ZNF804A: variants seen among roughly 807,000 people sequenced by gnomAD.
ZNF804A encodes the protein zinc finger protein 804A.
A neutral mutation model predicts 16.5 loss-of-function variants in ZNF804A; 2 were observed. The ratio of observed to expected loss-of-function variants is 0.12; its 90% CI spans 0.05 to 0.38. ZNF804A has a LOEUF of 0.38. ZNF804A is among the 10% of genes least tolerant of loss of function. The pLI is 0.99. For missense variants in ZNF804A, 1,473 were observed against 1,390.7 expected (o/e 1.06, Z -0.94); for synonymous variants, 534 against 489.6 (o/e 1.09, Z -1.20).
At chr2:184,725,150 T>G (rs996580002) in intron 1 of ZNF804A, among the ~76,000 whole-genome samples, 3 of 151,654 alleles carry the variant, frequency 2.0e-5, no homozygotes, top group Non-Finnish European at 3.0e-5. Flanking sequence ...CTTTGGAAAT[T>G]TCTTAGCTTG....
At chr2:184,814,364 C>T (rs1382055462) in intron 1 of ZNF804A, among the ~76,000 whole-genome samples, 1 of 151,872 alleles carries the variant, frequency 6.6e-6, no homozygotes, top group Non-Finnish European at 1.5e-5. Context: ...GTTTTGCACT[C>T]GATAAGTTAG....
At chr2:184,624,674 C>G (rs1691469844) in intron 1 of ZNF804A, among the ~76,000 whole-genome samples, 1 of 152,090 alleles carries the variant, frequency 6.6e-6, no homozygotes, top group African/African-American at 2.4e-5. Flanking sequence ...AGATATCCCT[C>G]CTTCTGTGAG....
At chr2:184,680,589 T>C (rs1411324863) in intron 1 of ZNF804A, among the ~76,000 whole-genome samples, 3 of 152,234 alleles carry the variant, frequency 2.0e-5, no homozygotes, top group Non-Finnish European at 4.4e-5. Flanking sequence ...ATGATGTTCC[T>C]GTGGAAAGGA....
intron 2 of ZNF804A, among the ~76,000 whole-genome samples, chr2:184,869,980 C>T (rs561298709): frequency 1.3e-5 from 2 of 152,050 alleles, no homozygotes; most frequent in South Asian, 4.1e-4. Flanking sequence ...TACAATAGCT[C>T]ACAAATTACA....
chr2:184,729,188 C>T (rs948257619), intron 1 of ZNF804A, among the ~76,000 whole-genome samples: 1 of 151,714 alleles, frequency 6.6e-6, no homozygotes, highest in Non-Finnish European at 1.5e-5. Context: ...GTGCTCTCAA[C>T]ACAAAATATA....
intron 1 of ZNF804A, among the ~76,000 whole-genome samples, chr2:184,641,782 C>T (rs1175574675): frequency 2.0e-5 from 3 of 152,110 alleles, no homozygotes; most frequent in Non-Finnish European, 2.9e-5. Context: ...TTAATTGCAA[C>T]ATATGCAGTA....
At chr2:184,895,595 A>T (rs998355733) in intron 2 of ZNF804A, among the ~76,000 whole-genome samples, 1 of 152,238 alleles carries the variant, frequency 6.6e-6, no homozygotes, top group African/African-American at 2.4e-5. Flanking sequence ...CTGAAAACTC[A>T]GTTATAATTC....
chr2:184,774,616 C>A (rs1177984713), intron 1 of ZNF804A, among the ~76,000 whole-genome samples: 2 of 151,710 alleles, frequency 1.3e-5, no homozygotes, highest in Non-Finnish European at 2.9e-5. Context: ...AGAATTGATT[C>A]TTCATATCTT....
At chr2:184,736,747 T>C (rs1372264120) in intron 1 of ZNF804A, among the ~76,000 whole-genome samples, 1 of 152,198 alleles carries the variant, frequency 6.6e-6, no homozygotes, top group East Asian at 1.9e-4. Context: ...TTCTAGTTTA[T>C]TTGTTTGTTT....
chr2:184,730,519 T>C (rs1693497087), intron 1 of ZNF804A, among the ~76,000 whole-genome samples: 1 of 152,174 alleles, frequency 6.6e-6, no homozygotes, highest in African/African-American at 2.4e-5. Flanking sequence ...AAAAATATTT[T>C]GTGCTGTATT....
chr2:184,750,375 T>A (rs2105757931), intron 1 of ZNF804A, among the ~76,000 whole-genome samples: 1 of 151,540 alleles, frequency 6.6e-6, no homozygotes, highest in East Asian at 1.9e-4. Context: ...GCTCTGCCAA[T>A]CAATACATTA....
intron 1 of ZNF804A, among the ~76,000 whole-genome samples, chr2:184,613,443 C>T (rs1691270028): frequency 6.6e-6 from 1 of 152,132 alleles, no homozygotes; most frequent in African/African-American, 2.4e-5. Context: ...AACAATAATT[C>T]ATTTGAAAAG....
chr2:184,796,359 G>T (rs1399810184), intron 1 of ZNF804A, among the ~76,000 whole-genome samples: 1 of 150,428 alleles, frequency 6.6e-6, no homozygotes, highest in African/African-American at 2.4e-5. Context: ...GAATTTTGTT[G>T]TTGTTGTTGT....
intron 1 of ZNF804A, among the ~76,000 whole-genome samples, chr2:184,834,727 ACTAT>A (rs1477158961): frequency 2.0e-5 from 3 of 152,100 alleles, no homozygotes; most frequent in Non-Finnish European, 4.4e-5. Context: ...CTGAGGTGAA[ACTAT>A]CTATCACCAT....
chr2:184,598,600 C>G lies in ZNF804A; in HGVS notation c.-360C>G, dbSNP rs942524891. ...CGCTTCTGCTGCCGCGCGGGCGGCTCCCGCAGCCCCGCTCCGCCCGGCCAC... is the reference window on the plus strand; with the variant it reads ...CGCTTCTGCTGCCGCGCGGGCGGCTGCCGCAGCCCCGCTCCGCCCGGCCAC... On this transcript the variant is annotated 5_prime_UTR_variant, in exon 1 of 4. Coordinates refer to ENST00000302277, the MANE Select transcript of ZNF804A (RefSeq NM_194250.2). 1 of 165,282 alleles carries G rather than the reference C, an allele frequency of 6.1e-6. No individual in the cohort carries two copies. Among genetic ancestry groups the G allele is most frequent in the Admixed American group, 6.4e-5 (1 of 15,578 alleles). 10.2% of individuals were successfully genotyped at this position (165,282 alleles called of 1,614,324 possible).
At chr2:184,829,929 C>CAAAAACA (rs1695234702) in intron 1 of ZNF804A, among the ~76,000 whole-genome samples, 1 of 72,616 alleles carries the variant, frequency 1.4e-5, no homozygotes, top group East Asian at 3.1e-4. Flanking sequence ...AAAACAAAAA[C>CAAAAACA]AAAAAAAAAA....
intron 1 of ZNF804A, among the ~76,000 whole-genome samples, chr2:184,745,750 A>G (rs1693781097): frequency 6.6e-6 from 1 of 151,602 alleles, no homozygotes; most frequent in African/African-American, 2.4e-5. Context: ...TACTTGGATT[A>G]TTACTACTTA....
chr2:184,599,134 T>A, intron 1 of ZNF804A, 64 bp downstream of exon 1: 1 of 1,282,756 alleles, frequency 7.8e-7, no homozygotes. Context: ...AAGATTGAGT[T>A]TTTGGAGGTT....
intron 1 of ZNF804A, among the ~76,000 whole-genome samples, chr2:184,718,977 C>A (rs563296645): frequency 2.0e-5 from 3 of 152,160 alleles, no homozygotes; most frequent in East Asian, 1.9e-4. Flanking sequence ...GCCCTTCCCC[C>A]ACACTGCCCT....
Sources: gnomAD v4.1 joint callset for allele counts (sites outside exome capture counted in the v4.1 genomes callset) on GRCh38, gnomAD v4.1.1 for gene constraint, MANE v1.5 for transcripts, NCBI Gene and HGNC (gene_info 2026-07-23, HGNC 2026-07-21) for gene names.